Variants in IRF2BP2 observed in about 807,000 individuals in gnomAD.
IRF2BP2 encodes the protein interferon regulatory factor 2-binding protein 2.
IRF2BP2 carries 13 observed loss-of-function variants against 32.7 expected under a neutral mutation model. The observed-to-expected ratio is 0.40, with a 90% confidence interval of 0.26 to 0.63. IRF2BP2 has a LOEUF of 0.63. Among genes scored for constraint, IRF2BP2 ranks in the 30% least tolerant of loss-of-function variants. The probability of loss-of-function intolerance (pLI) is 0.42; values close to 1 mark genes in which losing one functional copy is unlikely to be tolerated. For synonymous variants in IRF2BP2, 555 were observed against 384.6 expected, an observed-to-expected ratio of 1.44 and a Z score of -5.18; for missense variants, 980 against 830.6, an observed-to-expected ratio of 1.18 and a Z score of -2.21.
rs1307590239 is a variant in IRF2BP2 at position 234,607,388 on chromosome 1, A to C, written c.1513T>G (p.Cys505Gly). Reference sequence around the variant, plus strand: ...AGCCGCTCGTGGCAGAGGGTGCAGCACAGCGGGGCACTGGTTGCCAGAGAG... The same window carrying C: ...AGCCGCTCGTGGCAGAGGGTGCAGCCCAGCGGGGCACTGGTTGCCAGAGAG... ...DSSLATSAPL[C>G]CTLCHERLED... Residue 505 changes from cysteine to glycine, a missense_variant, in exon 2 of 2, where the codon TGC becomes GGC. Coordinates refer to ENST00000366609, the MANE Select transcript of IRF2BP2 (RefSeq NM_182972.3). 20 of 1,613,856 alleles carry C rather than the reference A, an allele frequency of 1.2e-5. No individual in the cohort carries two copies. Among genetic ancestry groups the C allele is most frequent in the Non-Finnish European group, 1.5e-5 (18 of 1,179,818 alleles).
In IRF2BP2 at chr1:234,608,699, G is replaced by A. The variant is rs1412278161; in HGVS notation, c.796C>T (p.His266Tyr). ...GACAGGCTGTCGGCCGGGCCCCGGTGCGCAGGCGGCGGCGGTTGTTTCTCC... is the reference window on the plus strand; with the variant it reads ...GACAGGCTGTCGGCCGGGCCCCGGTACGCAGGCGGCGGCGGTTGTTTCTCC... ...AKEKQPPPPA[H>Y]RGPADSLSTA... The change falls in exon 1 of 2, where the codon CAC (histidine) becomes TAC (tyrosine). Residue 266 changes from histidine to tyrosine, a missense_variant. By Grantham distance (83) the His-to-Tyr change is moderately conservative. Coordinates refer to ENST00000366609, the MANE Select transcript of IRF2BP2 (RefSeq NM_182972.3). 6.7e-7 allele frequency: 1 copy of A among 1,502,972 alleles called. No individual in the cohort carries two copies. Among genetic ancestry groups the A allele is most frequent in the Non-Finnish European group, 8.8e-7 (1 of 1,136,372 alleles). 93.1% of individuals were successfully genotyped at this position (1,502,972 alleles called of 1,614,324 possible). A position where few individuals can be genotyped will look rare whatever the true frequency, so the allele number is the denominator to read the frequency against.
rs1314836213 is a variant in IRF2BP2 at position 234,609,153 on chromosome 1, C to T, written c.342G>A (p.Leu114=). ...CCGCGGCCGCCAACGGGTAGCGCTC[C>T]AAGGCCTGCGGCGCGCGCGGGGCCG... ...PEAAPRAPQA[L]ERYPLAAAAE... is the part of the protein sequence containing the mutation. Residue 114 remains leucine, a synonymous_variant, in exon 1 of 2, where the codon TTG becomes TTA. Transcript: ENST00000366609. 1 of 1,265,870 alleles carries T rather than the reference C, an allele frequency of 7.9e-7. No individual in the cohort carries two copies. Among genetic ancestry groups the T allele is most frequent in the Non-Finnish European group, 9.9e-7 (1 of 1,009,278 alleles). 78.4% of individuals were successfully genotyped at this position (1,265,870 alleles called of 1,614,324 possible). A position where few individuals can be genotyped will look rare whatever the true frequency, so the allele number is the denominator to read the frequency against.
At position 234,606,890 on chromosome 1, in the gene IRF2BP2, G is replaced by C. The variant is rs899025863; in HGVS notation, c.*247C>G. On this transcript the variant is annotated 3_prime_UTR_variant, in exon 2 of 2. Coordinates refer to ENST00000366609, the MANE Select transcript of IRF2BP2 (RefSeq NM_182972.3). ...CTACATAGAACGGTAACTGTCACCA[G>C]GATAATAAAGCACAAAGATATGCTA... 2.3e-5 allele frequency: 8 copies of C among 348,128 alleles called. No individual in the cohort carries two copies. Among genetic ancestry groups the C allele is most frequent in the Admixed American group, 8.6e-5 (2 of 23,350 alleles). The allele number at this position is 348,128 out of a possible 1,614,324, so 21.6% of individuals were successfully genotyped here. A position where few individuals can be genotyped will look rare whatever the true frequency, so the allele number is the denominator to read the frequency against.
Position 234,607,332 on chromosome 1 carries a change from G to A in IRF2BP2, c.1569C>T (p.Ser523=), listed in dbSNP as rs370705081. 1.4e-5 allele frequency: 23 copies of A among 1,614,120 alleles called. No individual in the cohort carries two copies. In the African/African-American group the frequency reaches 2.4e-4, roughly 17 times the overall value. ...LEDTHFVQCP[S]VPSHKFCFPC... ...GGAAGCAGAACTTGTGCGAAGGGAC[G>A]GACGGGCACTGCACAAAATGGGTGT... Residue 523 remains serine (S), a synonymous_variant, in exon 2 of 2, where the codon TCC becomes TCT. Coordinates refer to ENST00000366609, the MANE Select transcript of IRF2BP2 (RefSeq NM_182972.3).
At position 234,609,731 on chromosome 1, in the gene IRF2BP2, G is replaced by A. The variant is rs1488123516; in HGVS notation, c.-237C>T. ...GGGCGCGAGGTGAGGGGCTGCAGCC[G>A]CGGCAGCAGTTCCCCCCGGCCGGCC... On this transcript the variant is annotated 5_prime_UTR_variant, in exon 1 of 2. Coordinates refer to ENST00000366609, the MANE Select transcript of IRF2BP2 (RefSeq NM_182972.3). 6.9e-6 allele frequency among the ~76,000 whole-genome samples: 1 copy of A among 144,716 alleles called. No individual in the cohort carries two copies. The highest frequency in any genetic ancestry group is 2.1e-4 in the South Asian group (1 of 4,746). The allele number at this position is 144,716 out of a possible 152,430, so 94.9% of individuals were successfully genotyped here.
In IRF2BP2 at chr1:234,605,229, G is replaced by A. The variant is rs72749964; in HGVS notation, c.*1908C>T. 18,817 of 152,228 alleles carry A rather than the reference G, an allele frequency of 0.12. 1,604 individuals carry two copies. Among genetic ancestry groups the A allele is most frequent in the Non-Finnish European group, 0.19 (12,923 of 67,996 alleles). The allele number at this position is 152,228 out of a possible 1,614,324, so 9.4% of individuals were successfully genotyped here. ...CATAAGAGCTGAATTCTTTACAAAT[G>A]TCTTTATGGGCATGTAAAATTGACT... On this transcript the variant is annotated 3_prime_UTR_variant, in exon 2 of 2. Transcript: ENST00000366609.
chr1:234,609,107 C>T lies in IRF2BP2; in HGVS notation c.388G>A (p.Gly130Ser), dbSNP rs1672266332. ...AAAAERPPRL[G>S]SDFGSSRPAA... is the part of the protein sequence containing the mutation. ...GGGCGGCTGCTGCCGAAGTCAGAGC[C>T]GAGGCGCGGGGGCCTCTCGGCCGCG... Residue 130 changes from glycine to serine, a missense_variant, in exon 1 of 2, where the codon GGC (glycine) becomes AGC (serine). Transcript: ENST00000366609. The T allele has an allele frequency of 1.6e-6, 2 of 1,230,674 alleles. No homozygotes were observed. The highest frequency in any genetic ancestry group is 1.6e-5 in the African/African-American group (1 of 63,486). The allele number at this position is 1,230,674 out of a possible 1,614,324, so 76.2% of individuals were successfully genotyped here.
In IRF2BP2 at chr1:234,609,596, C is replaced by G. The variant is rs1042527444; in HGVS notation, c.-102G>C. 21 of 563,012 alleles carry G rather than the reference C, an allele frequency of 3.7e-5. No individual in the cohort carries two copies. The highest frequency in any genetic ancestry group is 7.8e-6 in the Non-Finnish European group (3 of 385,120). The allele number at this position is 563,012 out of a possible 1,614,324, so 34.9% of individuals were successfully genotyped here. On this transcript the variant is annotated 5_prime_UTR_variant, in exon 1 of 2. Coordinates refer to ENST00000366609, the MANE Select transcript of IRF2BP2 (RefSeq NM_182972.3). ...ACGCGCGCCCTCCTCCCCCCCCAACCCCGCGTCTCCCCCACCAGCGGCGGC... is the reference window on the plus strand; with the variant it reads ...ACGCGCGCCCTCCTCCCCCCCCAACGCCGCGTCTCCCCCACCAGCGGCGGC...
In IRF2BP2 at chr1:234,606,820, T is replaced by C. The variant is rs1031108503; in HGVS notation, c.*317A>G. ...GTGCATACAAATACAGCTAGAAGCA[T>C]TTCTGATTTGCCAAGTGCTCTAAAA... On this transcript the variant is annotated 3_prime_UTR_variant, in exon 2 of 2. Coordinates refer to ENST00000366609, the MANE Select transcript of IRF2BP2 (RefSeq NM_182972.3). The C allele has an allele frequency of 2.0e-5, 4 of 201,226 alleles. No individual in the cohort carries two copies. The highest frequency in any genetic ancestry group is 3.0e-5 in the Non-Finnish European group (3 of 98,940). The allele number at this position is 201,226 out of a possible 1,614,324, so 12.5% of individuals were successfully genotyped here. A position where few individuals can be genotyped will look rare whatever the true frequency, so the allele number is the denominator to read the frequency against.
At position 234,609,309 on chromosome 1, in the gene IRF2BP2, C is replaced by G; in HGVS notation, c.186G>C (p.Ala62=). The G allele has an allele frequency of 6.7e-7, 1 of 1,499,464 alleles. No individual in the cohort carries two copies. The highest frequency in any genetic ancestry group is 1.3e-5 in the South Asian group (1 of 79,494). 92.9% of individuals were successfully genotyped at this position (1,499,464 alleles called of 1,614,324 possible). Residue 62 remains alanine (A), a synonymous_variant, in exon 1 of 2, where the codon GCG becomes GCC. Transcript: ENST00000366609. ...AGCGACCCTCCGGGAAGCAGCCGTG[C>G]GCCCGCTTGAGCTGCCGCGCCGTCT... ...VIETARQLKR[A]HGCFPEGRSP...
chr1:234,607,991 AC>A, intron 1 of IRF2BP2, 139 bp from the exon 2 acceptor site: 1 of 684,992 alleles, frequency 1.5e-6, no homozygotes. Context: ...ATACTCATAT[AC>A]GAGTTTCAGG....
chr1:234,607,670 G>T lies in IRF2BP2; in HGVS notation c.1231C>A (p.Arg411=), dbSNP rs759139473. ...TGGGCCGCTTCAGGCGGTGTGGTCCGGTTGGAATGAGGTGAGGCAGTGGGT... is the reference window on the plus strand; with the variant it reads ...TGGGCCGCTTCAGGCGGTGTGGTCCTGTTGGAATGAGGTGAGGCAGTGGGT... ...PPPTASPHSN[R]TTPPEAAQNG... is the part of the protein sequence containing the mutation. The change falls in exon 2 of 2, where the codon CGG becomes AGG. Residue 411 remains arginine (R), a synonymous_variant. Coordinates refer to ENST00000366609, the MANE Select transcript of IRF2BP2 (RefSeq NM_182972.3). The T allele has an allele frequency of 1.2e-6, 2 of 1,614,196 alleles. No individual in the cohort carries two copies. Among genetic ancestry groups the T allele is most frequent in the Non-Finnish European group, 1.7e-6 (2 of 1,180,032 alleles).
In IRF2BP2 at chr1:234,607,296, T is replaced by C. The variant is rs1672190449; in HGVS notation, c.1605A>G (p.Arg535=). ...PSHKFCFPCS[R]QSIKQQGASG... ...TAGCTCCCTGCTGTTTGATGCTTTG[T>C]CTGGAGCAAGGGAAGCAGAACTTGT... Residue 535 remains arginine (R), a synonymous_variant, in exon 2 of 2, where the codon AGA becomes AGG. Transcript: ENST00000366609. 1 of 1,614,214 alleles carries C rather than the reference T, an allele frequency of 6.2e-7. No homozygotes were observed. Among genetic ancestry groups the C allele is most frequent in the African/African-American group, 1.3e-5 (1 of 75,058 alleles).
rs997116983 is a variant in IRF2BP2, at chr1:234,610,124, T to TCCG, written c.-633_-631dup. Among the ~76,000 whole-genome samples, 10 of 147,666 alleles carry TCCG rather than the reference T, an allele frequency of 6.8e-5. No individual in the cohort carries two copies. The highest frequency in any genetic ancestry group is 2.1e-4 in the South Asian group (1 of 4,770). ...GCGTCAGCGGCCAGCCCGCCTCAGCTCCGCCGCCGCCACCGTCGCTGCTGC... is the reference window on the plus strand; with the variant it reads ...GCGTCAGCGGCCAGCCCGCCTCAGCTCCGCCGCCGCCGCCACCGTCGCTGCTGC... On this transcript the variant is annotated 5_prime_UTR_variant, in exon 1 of 2. Transcript: ENST00000366609.
Position 234,608,879 on chromosome 1 carries a change from C to A in IRF2BP2, c.616G>T (p.Gly206Cys), listed in dbSNP as rs772956890. 2.0e-5 allele frequency: 27 copies of A among 1,318,898 alleles called. No homozygotes were observed. Among genetic ancestry groups the A allele is most frequent in the Non-Finnish European group, 2.3e-5 (24 of 1,043,236 alleles). 81.7% of individuals were successfully genotyped at this position (1,318,898 alleles called of 1,614,324 possible). The change falls in exon 1 of 2, where the codon GGC (glycine) becomes TGC (cysteine). Residue 206 changes from glycine (G) to cysteine (C), a missense_variant. Coordinates refer to ENST00000366609, the MANE Select transcript of IRF2BP2 (RefSeq NM_182972.3). Reference protein sequence around the residue: ...ATPLPTALGLGGRAAASLAAV... With the variant: ...ATPLPTALGLCGRAAASLAAV... Reference sequence around the variant, plus strand: ...GCTAAGGAGGCGGCAGCGCGGCCGCCGAGGCCGAGCGCGGTGGGCAGCGGC... The same window carrying A: ...GCTAAGGAGGCGGCAGCGCGGCCGCAGAGGCCGAGCGCGGTGGGCAGCGGC...
chr1:234,604,917 CTTAT>C lies in IRF2BP2; in HGVS notation c.*2216_*2219del, dbSNP rs1437022665. The C allele has an allele frequency of 5.3e-5, 8 of 152,172 alleles. No individual in the cohort carries two copies. The highest frequency in any genetic ancestry group is 1.5e-5 in the Non-Finnish European group (1 of 68,024). 9.4% of individuals were successfully genotyped at this position (152,172 alleles called of 1,614,324 possible). A position where few individuals can be genotyped will look rare whatever the true frequency, so the allele number is the denominator to read the frequency against. ...AAAGGCCAGTCAGACTCGTGCAGAT[CTTAT>C]TTTTTAATAGTAGTAACCACAATAC... On this transcript the variant is annotated 3_prime_UTR_variant, in exon 2 of 2. Coordinates refer to ENST00000366609, the MANE Select transcript of IRF2BP2 (RefSeq NM_182972.3).
Position 234,608,693 on chromosome 1 carries a change from C to G in IRF2BP2, c.802G>C (p.Gly268Arg). The change falls in exon 1 of 2, where the codon GGC becomes CGC. Residue 268 changes from glycine (G) to arginine (R), a missense_variant. Physicochemically the swap from Gly to Arg is moderately radical, Grantham distance 125 (BLOSUM62 -2). Coordinates refer to ENST00000366609, the MANE Select transcript of IRF2BP2 (RefSeq NM_182972.3). ...GCGGTGGACAGGCTGTCGGCCGGGC[C>G]CCGGTGCGCAGGCGGCGGCGGTTGT... is the stretch of plus-strand genomic sequence containing the variant. ...EKQPPPPAHRGPADSLSTAAG... is the reference protein window; with the variant it reads ...EKQPPPPAHRRPADSLSTAAG... 5 of 1,506,420 alleles carry G rather than the reference C, an allele frequency of 3.3e-6. No individual in the cohort carries two copies. Among genetic ancestry groups the G allele is most frequent in the Non-Finnish European group, 4.4e-6 (5 of 1,138,312 alleles). 93.3% of individuals were successfully genotyped at this position (1,506,420 alleles called of 1,614,324 possible). A position where few individuals can be genotyped will look rare whatever the true frequency, so the allele number is the denominator to read the frequency against.
chr1:234,607,996 T>A (rs1275468158), intron 1 of IRF2BP2, 144 bp from the exon 2 acceptor site: 5 of 657,094 alleles, frequency 7.6e-6, no homozygotes, highest in Non-Finnish European at 1.3e-5. Flanking sequence ...CATATACGAG[T>A]TTCAGGTGCA....
In IRF2BP2 at chr1:234,605,531, C is replaced by T. The variant is rs1268327605; in HGVS notation, c.*1606G>A. ...TTTTGAACAATTTAAAAAGGAAAGA[C>T]AAACATATAACTAAAAAAGAATCCA... On this transcript the variant is annotated 3_prime_UTR_variant, in exon 2 of 2. Transcript: ENST00000366609. 1 of 152,126 alleles carries T rather than the reference C, an allele frequency of 6.6e-6. No individual in the cohort carries two copies. The highest frequency in any genetic ancestry group is 1.9e-4 in the East Asian group (1 of 5,204). The allele number at this position is 152,126 out of a possible 1,614,324, so 9.4% of individuals were successfully genotyped here.
Sources: gnomAD v4.1 joint callset for allele counts (sites outside exome capture counted in the v4.1 genomes callset) on GRCh38, gnomAD v4.1.1 for gene constraint, MANE v1.5 for transcripts, NCBI Gene and HGNC (gene_info 2026-07-23, HGNC 2026-07-21) for gene names.